The following EYS variants were observed in gnomAD, a reference collection of about 807,000 sequenced individuals.
The protein encoded by EYS is protein eyes shut homolog.
EYS carries 250 observed loss-of-function variants against 282.1 expected under a neutral mutation model. The ratio of observed to expected loss-of-function variants is 0.89; its 90% confidence interval spans 0.80 to 0.98. EYS has a LOEUF of 0.98. Ranked by LOEUF, EYS falls within the 50% of genes least tolerant of loss-of-function variation. The pLI, the probability that EYS is intolerant of heterozygous loss-of-function variation, is 0.00. For synonymous variants in EYS, 1,355 were observed against 1,282.9 expected (o/e 1.06, Z -1.20); for missense variants, 4,016 against 3,709.0 (o/e 1.08, Z -2.15).
At chr6:65,318,775 G>T (rs903036783) in intron 11 of EYS, among the ~76,000 whole-genome samples, 2 of 150,710 alleles carry the variant, frequency 1.3e-5, no homozygotes, top group Non-Finnish European at 3.0e-5. Flanking sequence ...TGAAGTAGCT[G>T]GGACAACAGG....
chr6:64,956,897 A>C (rs1056113328), intron 14 of EYS, among the ~76,000 whole-genome samples: 1 of 152,146 alleles, frequency 6.6e-6, no homozygotes, highest in African/African-American at 2.4e-5. Flanking sequence ...ATCTGACCCC[A>C]GTTAATATAT....
At chr6:64,407,473 T>C (rs996540702) in intron 28 of EYS, among the ~76,000 whole-genome samples, 2 of 152,022 alleles carry the variant, frequency 1.3e-5, no homozygotes, top group African/African-American at 4.8e-5. Context: ...AAAGGGTTCA[T>C]CAATTAATAT....
intron 5 of EYS, among the ~76,000 whole-genome samples, chr6:65,477,669 A>G (rs1299331050): frequency 6.6e-6 from 1 of 152,192 alleles, no homozygotes; most frequent in Non-Finnish European, 1.5e-5. Flanking sequence ...AAAACAAAGA[A>G]AGCAATCATG....
Position 65,481,192 on chromosome 6 carries a change from T to G in EYS, c.862+9402A>C, listed in dbSNP as rs368942294. On this transcript the variant is annotated intron_variant, in intron 5 of 42. Transcript: ENST00000503581. ...TTACTCTGATTTGATCCTTACATATTGTACAGATATATCAAAATATCACTC... is the reference window on the plus strand; with the variant it reads ...TTACTCTGATTTGATCCTTACATATGGTACAGATATATCAAAATATCACTC... 1.8e-4 allele frequency among the ~76,000 whole-genome samples: 27 copies of G among 152,292 alleles called. No individual in the cohort carries two copies. In the East Asian group the frequency reaches 4.1e-3, roughly 23 times the overall value.
At chr6:65,367,180 T>G (rs1345942928) in intron 8 of EYS, among the ~76,000 whole-genome samples, 2 of 151,626 alleles carry the variant, frequency 1.3e-5, no homozygotes, top group Non-Finnish European at 2.9e-5. Flanking sequence ...TACGTTCTGG[T>G]TTCTTTCCCA....
intron 33 of EYS, among the ~76,000 whole-genome samples, chr6:64,031,519 G>A (rs183455736): frequency 1.9e-4 from 29 of 152,354 alleles, no homozygotes; most frequent in Admixed American, 1.4e-3. Flanking sequence ...GGCGCAGGGC[G>A]CAGGACTGGC....
rs1769912582 is a variant in EYS, at chr6:65,707,208, GTGTATCA to G, written c.-528_-522del. ...CGGTTAATGTCTGGACATGCCTAGC[GTGTATCA>G]CTTTGTTTCTCAGAAGCCTAATCCA... On this transcript the variant is annotated 5_prime_UTR_variant, in exon 1 of 43. Transcript: ENST00000503581. The G allele has an allele frequency of 1.3e-5, 2 of 152,072 alleles. No homozygotes were observed. Among genetic ancestry groups the G allele is most frequent in the Non-Finnish European group, 2.9e-5 (2 of 68,004 alleles). 9.4% of individuals were successfully genotyped at this position (152,072 alleles called of 1,614,324 possible).
intron 35 of EYS, among the ~76,000 whole-genome samples, chr6:63,866,964 T>C (rs969302827): frequency 2.0e-5 from 3 of 152,220 alleles, no homozygotes; most frequent in Non-Finnish European, 4.4e-5. Context: ...GTCTGTGTTA[T>C]ACCTGGACTC....
chr6:65,626,798 G>T (rs1345893731), intron 2 of EYS, among the ~76,000 whole-genome samples: 2 of 151,560 alleles, frequency 1.3e-5, no homozygotes, highest in African/African-American at 4.9e-5. Flanking sequence ...AGTAATAATA[G>T]ATATATATTG....
At chr6:64,200,202 A>G (rs989639406) in intron 31 of EYS, among the ~76,000 whole-genome samples, 21 of 152,146 alleles carry the variant, frequency 1.4e-4, no homozygotes, top group African/African-American at 5.1e-4. Flanking sequence ...GAATAGGTAA[A>G]GCACAGGTGA....
chr6:65,602,625 C>G (rs965592774), intron 2 of EYS, among the ~76,000 whole-genome samples: 1 of 151,862 alleles, frequency 6.6e-6, no homozygotes, highest in Non-Finnish European at 1.5e-5. Context: ...TACTTGTGCT[C>G]ATGTTTTGTA....
At position 64,661,331 on chromosome 6, in the gene EYS, G is replaced by A. The variant is rs545260218; in HGVS notation, c.3444-35086C>T. Among the ~76,000 whole-genome samples the A allele has an allele frequency of 3.0e-4, 45 of 152,178 alleles. No homozygotes were observed. The South Asian group carries it at 9.3e-3, about 32-fold the overall frequency. Reference sequence around the variant, plus strand: ...CCATTCAGGACATAGGTATGGGCAAGGACTTCATATGTAAAACACCAAAAG... The same window carrying A: ...CCATTCAGGACATAGGTATGGGCAAAGACTTCATATGTAAAACACCAAAAG... On this transcript the variant is annotated intron_variant, in intron 22 of 42. Coordinates refer to ENST00000503581, the MANE Select transcript of EYS (RefSeq NM_001142800.2).
intron 11 of EYS, among the ~76,000 whole-genome samples, chr6:65,333,710 T>C (rs1769878170): frequency 6.7e-6 from 1 of 150,254 alleles, no homozygotes; most frequent in African/African-American, 2.4e-5. Context: ...TTTGAGGCTC[T>C]GTTGTTAGTT....
At chr6:65,246,644 C>A (rs145687378) in intron 12 of EYS, among the ~76,000 whole-genome samples, 2 of 152,006 alleles carry the variant, frequency 1.3e-5, no homozygotes, top group African/African-American at 2.4e-5. Flanking sequence ...GCTCATATTG[C>A]CTTTTCTAAA....
chr6:63,779,588 A>G (rs1340644577), intron 39 of EYS, among the ~76,000 whole-genome samples: 1 of 152,206 alleles, frequency 6.6e-6, no homozygotes, highest in Admixed American at 6.5e-5. Flanking sequence ...TTGTAATTTT[A>G]CTCAGCTCCT....
intron 36 of EYS, among the ~76,000 whole-genome samples, chr6:63,849,226 G>C (rs996930256): frequency 3.3e-5 from 5 of 152,200 alleles, no homozygotes; most frequent in African/African-American, 1.2e-4. Flanking sequence ...CCCTGGGACA[G>C]AGCACCTGGG....
chr6:63,983,999 A>AT (rs1432830550), intron 35 of EYS, among the ~76,000 whole-genome samples: 1 of 151,552 alleles, frequency 6.6e-6, no homozygotes, highest in Non-Finnish European at 1.5e-5. Context: ...TGAGTAAAAA[A>AT]CAAATATAAA....
intron 11 of EYS, among the ~76,000 whole-genome samples, chr6:65,320,711 C>G (rs1769450843): frequency 6.6e-6 from 1 of 152,170 alleles, no homozygotes. Flanking sequence ...TAGGGCTCAG[C>G]CCCTTCAGGG....
chr6:64,070,865 G>A (rs996029555), intron 32 of EYS, among the ~76,000 whole-genome samples: 5 of 151,944 alleles, frequency 3.3e-5, no homozygotes, highest in Admixed American at 3.3e-4. Context: ...TAATATTAAG[G>A]TGTTAATAAT....
Sources: allele counts gnomAD v4.1 joint callset (sites outside exome capture counted in the v4.1 genomes callset), GRCh38; gene constraint gnomAD v4.1.1; transcripts MANE v1.5; gene names NCBI Gene and HGNC (gene_info 2026-07-23, HGNC 2026-07-21).